Variants in TMEM68 observed in about 807,000 individuals in gnomAD.
The protein encoded by TMEM68 is DGAT1/2-independent enzyme synthesizing storage lipids.
Under a neutral mutation model 36.9 loss-of-function variants are expected in TMEM68, and 25 were observed. The observed-to-expected ratio is 0.68, with a 90% CI of 0.49 to 0.95. The LOEUF (loss-of-function observed/expected upper bound fraction) is 0.95. Ranked by LOEUF, TMEM68 falls within the 40% of genes least tolerant of loss-of-function variation. The probability of loss-of-function intolerance (pLI) is 0.00; values close to 1 mark genes in which losing one functional copy is unlikely to be tolerated. For missense variants in TMEM68, 333 were observed against 392.0 expected (o/e 0.85, Z 1.27); for synonymous variants, 131 against 124.4 (o/e 1.05, Z -0.35).
chr8:55,756,966 C>T (rs1354417895), intron 3 of TMEM68, among the ~76,000 whole-genome samples: 1 of 73,982 alleles, frequency 1.4e-5, no homozygotes, highest in African/African-American at 4.9e-5. Context: ...AGGGACAGGG[C>T]ATCCATGAGT....
chr8:55,766,659 A>C (rs1464518066), intron 1 of TMEM68, among the ~76,000 whole-genome samples: 1 of 151,988 alleles, frequency 6.6e-6, no homozygotes, highest in Non-Finnish European at 1.5e-5. Flanking sequence ...TACAGGCATG[A>C]GCCACCGTGC....
intron 1 of TMEM68, among the ~76,000 whole-genome samples, chr8:55,769,253 G>A (rs1788297811): frequency 7.1e-6 from 1 of 141,090 alleles, no homozygotes; most frequent in African/African-American, 2.6e-5. Context: ...AACCCGGGAG[G>A]CAGAGGTTAT....
intron 7 of TMEM68, among the ~76,000 whole-genome samples, chr8:55,740,833 A>G (rs1810078875): frequency 6.6e-6 from 1 of 152,152 alleles, no homozygotes; most frequent in Non-Finnish European, 1.5e-5. Flanking sequence ...TGCTGGGATT[A>G]CAGGCATGAG....
rs772133373 is a variant in TMEM68 at position 55,751,177 on chromosome 8, GAA to G, written c.494-22_494-21del. 2.6e-6 allele frequency: 4 copies of G among 1,566,968 alleles called. No individual in the cohort carries two copies. The South Asian group carries it at 4.7e-5, about 19-fold the overall frequency. Reference sequence around the variant, plus strand: ...TAAACCCTGTAAGAAACATGAGTATGAAGTTACAACATAAGTATTTCTTGTTT... The same window carrying G: ...TAAACCCTGTAAGAAACATGAGTATGGTTACAACATAAGTATTTCTTGTTT... On this transcript the variant is annotated intron_variant, in intron 4 of 7. Transcript: ENST00000434581.
intron 6 of TMEM68, 44 bp downstream of exon 6, chr8:55,745,017 T>A: frequency 7.7e-7 from 1 of 1,305,690 alleles, no homozygotes; most frequent in South Asian, 1.6e-5. Context: ...CCAAATATTT[T>A]AAAAATTACA....
In TMEM68 at chr8:55,745,120, G is replaced by A; in HGVS notation, c.689C>T (p.Pro230Leu). 2 of 1,476,670 alleles carry A rather than the reference G, an allele frequency of 1.4e-6. No homozygotes were observed. Among genetic ancestry groups the A allele is most frequent in the Non-Finnish European group, 1.8e-6 (2 of 1,113,830 alleles). The allele number at this position is 1,476,670 out of a possible 1,614,324, so 91.5% of individuals were successfully genotyped here. A position where few individuals can be genotyped will look rare whatever the true frequency, so the allele number is the denominator to read the frequency against. The change falls in exon 6 of 8, where the codon CCC becomes CTC. Residue 230 changes from proline to leucine, a missense_variant and splice_region_variant. Transcript: ENST00000434581. ...ATTTTGTGTAAACATAGGAATAATG[G>A]GCTAAAGAAAAGGAGAATTTGAATT... ...FAQVAIDAKV[P>L]IIPMFTQNIR...
chr8:55,768,495 G>C (rs1223912321), intron 1 of TMEM68, among the ~76,000 whole-genome samples: 1 of 151,866 alleles, frequency 6.6e-6, no homozygotes. Flanking sequence ...CAAGAGGATC[G>C]CTTGAAACCA....
intron 3 of TMEM68, among the ~76,000 whole-genome samples, chr8:55,759,429 G>T (rs571082187): frequency 6.6e-6 from 1 of 152,078 alleles, no homozygotes; most frequent in Non-Finnish European, 1.5e-5. Flanking sequence ...AAATTAGCCA[G>T]GTGTGGTGGC....
intron 6 of TMEM68, among the ~76,000 whole-genome samples, chr8:55,744,698 A>G (rs1465734906): frequency 6.6e-6 from 1 of 152,144 alleles, no homozygotes; most frequent in Non-Finnish European, 1.5e-5. Context: ...TCAATATCAT[A>G]TTTTCATCCA....
intron 1 of TMEM68, among the ~76,000 whole-genome samples, chr8:55,764,962 C>T (rs1278050932): frequency 6.6e-6 from 1 of 152,168 alleles, no homozygotes; most frequent in African/African-American, 2.4e-5. Context: ...GTCCCAGCTA[C>T]TCGGGAGGCT....
At position 55,745,080 on chromosome 8, in the gene TMEM68, A is replaced by G; in HGVS notation, c.729T>C (p.Phe243=). 6.7e-7 allele frequency: 1 copy of G among 1,498,164 alleles called. No individual in the cohort carries two copies. The allele number at this position is 1,498,164 out of a possible 1,614,324, so 92.8% of individuals were successfully genotyped here. ...PMFTQNIREG[F]RSLGGTRLFR... Reference sequence around the variant, plus strand: ...ACTTACTTGTTCCTCCAAGTGATCTAAATCCTTCTCGAATATTTTGTGTAA... The same window carrying G: ...ACTTACTTGTTCCTCCAAGTGATCTGAATCCTTCTCGAATATTTTGTGTAA... Residue 243 remains phenylalanine, a synonymous_variant, in exon 6 of 8, where the codon TTT becomes TTC. Transcript: ENST00000434581.
intron 3 of TMEM68, among the ~76,000 whole-genome samples, chr8:55,760,555 G>C (rs1187130070): frequency 6.6e-6 from 1 of 152,230 alleles, no homozygotes; most frequent in Non-Finnish European, 1.5e-5. Flanking sequence ...GTAAAGTCCA[G>C]AATATGGAAA....
intron 4 of TMEM68, among the ~76,000 whole-genome samples, chr8:55,754,201 G>A (rs2129962198): frequency 6.7e-6 from 1 of 149,816 alleles, no homozygotes; most frequent in African/African-American, 2.5e-5. Context: ...TGAGGCGGGA[G>A]GATCACCTGA....
chr8:55,759,330 G>A (rs991555385), intron 3 of TMEM68, among the ~76,000 whole-genome samples: 1 of 151,874 alleles, frequency 6.6e-6, no homozygotes, highest in Non-Finnish European at 1.5e-5. Flanking sequence ...CAGCACTTTG[G>A]GAGGGTGAGG....
rs2129946021 is a variant in TMEM68 at position 55,750,885 on chromosome 8, T to C, written c.687+79A>G. 6.5e-6 allele frequency: 9 copies of C among 1,395,300 alleles called. No individual in the cohort carries two copies. Among genetic ancestry groups the C allele is most frequent in the East Asian group, 4.8e-5 (2 of 41,786 alleles). 86.4% of individuals were successfully genotyped at this position (1,395,300 alleles called of 1,614,324 possible). Reference sequence around the variant, plus strand: ...TGCAGCGAAAGTGTCTAAGTTCTTATACAATTTGGCTCATTACTTAACCAT... The same window carrying C: ...TGCAGCGAAAGTGTCTAAGTTCTTACACAATTTGGCTCATTACTTAACCAT... On this transcript the variant is annotated intron_variant, in intron 5 of 7. Transcript: ENST00000434581.
intron 1 of TMEM68, among the ~76,000 whole-genome samples, chr8:55,765,698 T>C (rs1473622734): frequency 2.0e-5 from 3 of 152,220 alleles, no homozygotes; most frequent in African/African-American, 7.2e-5. Flanking sequence ...GCAAAGATTA[T>C]ACATCTCATC....
intron 7 of TMEM68, among the ~76,000 whole-genome samples, chr8:55,741,902 G>A (rs996429176): frequency 3.9e-5 from 6 of 152,066 alleles, no homozygotes; most frequent in Admixed American, 2.0e-4. Context: ...CTTGTACCAA[G>A]TAAAAAAGTA....
chr8:55,755,651 T>C (rs930945809), intron 4 of TMEM68, among the ~76,000 whole-genome samples: 16 of 151,912 alleles, frequency 1.1e-4, no homozygotes, highest in Admixed American at 2.6e-4. Flanking sequence ...CAAACTCTAA[T>C]TATAACAAAA....
At chr8:55,769,018 T>TAAAAAAAAAAAAAAAAAAAA (rs200493179) in intron 1 of TMEM68, among the ~76,000 whole-genome samples, 2 of 82,094 alleles carry the variant, frequency 2.4e-5, no homozygotes, top group African/African-American at 9.9e-5. Context: ...ACTCTGTCTT[T>TAAAAAAAAAAAAAAAAAAAA]AAAAAAAAAA....
Sources: gnomAD v4.1 joint callset for allele counts (sites outside exome capture counted in the v4.1 genomes callset) on GRCh38, gnomAD v4.1.1 for gene constraint, MANE v1.5 for transcripts, NCBI Gene and HGNC (gene_info 2026-07-23, HGNC 2026-07-21) for gene names.